RFX8: variants seen among roughly 807,000 people sequenced by gnomAD.
RFX8 encodes the protein regulatory factor X8.
Under a neutral mutation model 54.6 loss-of-function variants are expected in RFX8, and 46 were observed. That is an observed-to-expected ratio of 0.84 (90% CI 0.67 to 1.08). The LOEUF (loss-of-function observed/expected upper bound fraction) is 1.08, where lower values mean the gene tolerates loss of function less well. Ranked by LOEUF, RFX8 falls within the 50% of genes least tolerant of loss-of-function variation. RFX8 has a pLI of 0.00. For synonymous variants in RFX8, 192 were observed against 209.5 expected (o/e 0.92, Z 0.72); for missense variants, 536 against 562.3 (o/e 0.95, Z 0.47).
chr2:101,413,065 G>A lies in RFX8; in HGVS notation c.568C>T (p.Arg190Ter), dbSNP rs1403054555. 1.4e-5 allele frequency: 21 copies of A among 1,551,404 alleles called. No homozygotes were observed. Among genetic ancestry groups the A allele is most frequent in the East Asian group, 2.4e-5 (1 of 40,908 alleles). The change falls in exon 8 of 12, where the codon CGA (arginine) becomes TGA (stop). Residue 190 changes from arginine to a stop codon, truncating the protein, a stop_gained. Transcript: ENST00000428343. LOFTEE classifies it high-confidence loss of function. ...TYLSNMAKTM[R>*]MVLKSKRRVS... ...CGCCTCTTACTTTTCAATACCATTC[G>A]CATAGTCTAAAGATAACAGGGAGGC...
chr2:101,410,871 G>A lies in RFX8; in HGVS notation c.719-158C>T, dbSNP rs537127736. 2.0e-5 allele frequency among the ~76,000 whole-genome samples: 3 copies of A among 152,358 alleles called. No homozygotes were observed. In the East Asian group the frequency reaches 5.8e-4, roughly 29 times the overall value. ...TCATTGTGAACACAGAGGATGTCCTGAGGCTGGCTTTGTCACTTCTGCGGT... is the reference window on the plus strand; with the variant it reads ...TCATTGTGAACACAGAGGATGTCCTAAGGCTGGCTTTGTCACTTCTGCGGT... On this transcript the variant is annotated intron_variant, in intron 8 of 11. Coordinates refer to ENST00000428343, the MANE Select transcript of RFX8 (RefSeq NM_001145664.2).
At chr2:101,451,549 C>T (rs760834140) in intron 2 of RFX8, among the ~76,000 whole-genome samples, 4 of 151,616 alleles carry the variant, frequency 2.6e-5, no homozygotes, top group Admixed American at 1.3e-4. Context: ...ATAAGCCGGG[C>T]GTGGTGGCAG....
At chr2:101,401,579 A>T (rs1685448239) in intron 11 of RFX8, among the ~76,000 whole-genome samples, 1 of 152,066 alleles carries the variant, frequency 6.6e-6, no homozygotes, top group Admixed American at 6.5e-5. Context: ...TAAACATCAA[A>T]TATGTGCAGA....
intron 7 of RFX8, among the ~76,000 whole-genome samples, chr2:101,414,035 G>T (rs544397007): frequency 6.6e-6 from 1 of 152,134 alleles, no homozygotes; most frequent in Non-Finnish European, 1.5e-5. Flanking sequence ...CCACGAGCCG[G>T]GTGCCAGCAT....
In RFX8 at chr2:101,453,290, T is replaced by A. The variant is rs769857975; in HGVS notation, c.72+13487A>T. Among the ~76,000 whole-genome samples the A allele has an allele frequency of 1.6e-3, 105 of 65,030 alleles. 3 individuals carry two copies. The highest frequency in any genetic ancestry group is 0.016 in the Middle Eastern group (2 of 122). 42.7% of individuals were successfully genotyped at this position (65,030 alleles called of 152,430 possible). The stretch of plus-strand genomic sequence containing the variant: ...AGACTCTGTCTCAAAAAAAAATAAA[T>A]AAATAAAAAGAGAGAAAAAAAGAAA... On this transcript the variant is annotated intron_variant, in intron 2 of 11. Transcript: ENST00000428343.
At position 101,470,420 on chromosome 2, in the gene RFX8, T is replaced by C. The variant is rs371587296; in HGVS notation, c.-52-3520A>G. ...GAGACCGATTGGGGACTGGCAGAAC[T>C]GCCGGCAGGTGACATTGGTTAAGGG... On this transcript the variant is annotated intron_variant, in intron 1 of 11. Transcript: ENST00000428343. 2.7e-3 allele frequency among the ~76,000 whole-genome samples: 408 copies of C among 152,292 alleles called. 2 individuals are homozygous for C. Among genetic ancestry groups the C allele is most frequent in the African/African-American group, 9.4e-3 (389 of 41,564 alleles).
In RFX8 at chr2:101,405,941, AC is replaced by A. The variant is rs1314575964; in HGVS notation, c.928+1del. On this transcript the variant is annotated splice_donor_variant, in intron 10 of 11. Coordinates refer to ENST00000428343, the MANE Select transcript of RFX8 (RefSeq NM_001145664.2). LOFTEE classifies it high-confidence loss of function. ...AAAATACTTTCTTATTCTCTGACTTACCAAAACTATCTCTGTGGCAGAGGGT... is the reference window on the plus strand; with the variant it reads ...AAAATACTTTCTTATTCTCTGACTTACAAAACTATCTCTGTGGCAGAGGGT... 1 of 1,510,754 alleles carries A rather than the reference AC, an allele frequency of 6.6e-7. No individual in the cohort carries two copies. Among genetic ancestry groups the A allele is most frequent in the Non-Finnish European group, 8.9e-7 (1 of 1,121,634 alleles). The allele number at this position is 1,510,754 out of a possible 1,614,324, so 93.6% of individuals were successfully genotyped here.
chr2:101,417,510 T>C (rs1241832235), intron 6 of RFX8, 24 bp downstream of exon 6: 1 of 1,539,188 alleles, frequency 6.5e-7, no homozygotes, highest in Non-Finnish European at 8.8e-7. Flanking sequence ...CAGCCCAGAA[T>C]TTATTTTTTT....
Position 101,418,868 on chromosome 2 carries a change from C to G in RFX8, c.334G>C (p.Asp112His). The change falls in exon 5 of 12, where the codon GAC becomes CAC. Residue 112 changes from aspartate (D) to histidine (H), a missense_variant. Physicochemically the swap from Asp to His is moderately conservative, Grantham distance 81. Transcript: ENST00000428343. ...PDVCQLFKCYDVQLYKGIEDV... is the reference protein window; with the variant it reads ...PDVCQLFKCYHVQLYKGIEDV... ...CCTCCTACCTTGTACAGCTGGACGT[C>G]GTAGCATTTAAAGAGCTGGCACACG... 6.5e-7 allele frequency: 1 copy of G among 1,549,310 alleles called. No individual in the cohort carries two copies. The highest frequency in any genetic ancestry group is 2.4e-5 in the East Asian group (1 of 40,914).
At chr2:101,425,840 C>T (rs185411895) in intron 2 of RFX8, among the ~76,000 whole-genome samples, 6 of 152,276 alleles carry the variant, frequency 3.9e-5, no homozygotes, top group Non-Finnish European at 8.8e-5. Context: ...AGATTCGCTA[C>T]AGCAGAAGGC....
chr2:101,465,502 C>T (rs1034360683), intron 2 of RFX8, among the ~76,000 whole-genome samples: 3 of 152,074 alleles, frequency 2.0e-5, no homozygotes, highest in Non-Finnish European at 4.4e-5. Context: ...GGGCAAGACT[C>T]TGTCTCAAAA....
chr2:101,445,349 G>C (rs371893108), intron 2 of RFX8, among the ~76,000 whole-genome samples: 2 of 151,930 alleles, frequency 1.3e-5, no homozygotes, highest in South Asian at 2.1e-4. Context: ...TCTCAGGGAG[G>C]CCTCTCCATG....
intron 2 of RFX8, among the ~76,000 whole-genome samples, chr2:101,458,705 A>G (rs1689116330): frequency 6.6e-6 from 1 of 152,028 alleles, no homozygotes; most frequent in East Asian, 1.9e-4. Flanking sequence ...GCTCTTTTTG[A>G]GAAGTATCTT....
intron 2 of RFX8, among the ~76,000 whole-genome samples, chr2:101,459,878 C>T (rs555484013): frequency 6.6e-6 from 1 of 152,320 alleles, no homozygotes; most frequent in Non-Finnish European, 1.5e-5. Context: ...TGTTGCACTG[C>T]AGTGGGCTGC....
Position 101,402,623 on chromosome 2 carries a change from A to T in RFX8, c.1058T>A (p.Leu353His), listed in dbSNP as rs1354523208. ...VKEMLPDDPT[L>H]GQPDQALFHS... The stretch of plus-strand genomic sequence containing the variant: ...GAAAAGTGCCTGGTCTGGCTGGCCG[A>T]GAGTCGGGTCATCTGGTAGCATTTC... The change falls in exon 11 of 12, where the codon CTC (leucine) becomes CAC (histidine). Residue 353 changes from leucine to histidine, a missense_variant. Transcript: ENST00000428343. 6.4e-7 allele frequency: 1 copy of T among 1,552,548 alleles called. No homozygotes were observed. The highest frequency in any genetic ancestry group is 2.4e-5 in the East Asian group (1 of 41,004).
chr2:101,446,710 C>CA (rs1688403500), intron 2 of RFX8, among the ~76,000 whole-genome samples: 1 of 151,432 alleles, frequency 6.6e-6, no homozygotes, highest in African/African-American at 2.4e-5. Context: ...GGTCTCTCCC[C>CA]TCTGAGTGCC....
In RFX8 at chr2:101,410,717, C is replaced by G. The variant is rs776688880; in HGVS notation, c.719-4G>C. 1.2e-5 allele frequency: 17 copies of G among 1,440,054 alleles called. No homozygotes were observed. The South Asian group carries it at 2.1e-4, about 18-fold the overall frequency. 89.2% of individuals were successfully genotyped at this position (1,440,054 alleles called of 1,614,324 possible). On this transcript the variant is annotated splice_region_variant and splice_polypyrimidine_tract_variant and intron_variant, in intron 8 of 11. Coordinates refer to ENST00000428343, the MANE Select transcript of RFX8 (RefSeq NM_001145664.2). ...AAAGAAATTAAGTTTCTTAAACCTACAAAGACACAAAATAAACAAACAAAA... is the reference window on the plus strand; with the variant it reads ...AAAGAAATTAAGTTTCTTAAACCTAGAAAGACACAAAATAAACAAACAAAA...
intron 10 of RFX8, among the ~76,000 whole-genome samples, chr2:101,405,544 CACTCTCTCT>C (rs1021999155): frequency 6.6e-6 from 1 of 152,144 alleles, no homozygotes; most frequent in African/African-American, 2.4e-5. Flanking sequence ...AACATTACTT[CACTCTCTCT>C]ACCATCGCAT....
chr2:101,397,474 A>G lies in RFX8; in HGVS notation c.*74T>C. 1 of 1,011,944 alleles carries G rather than the reference A, an allele frequency of 9.9e-7. No homozygotes were observed. Among genetic ancestry groups the G allele is most frequent in the East Asian group, 2.7e-5 (1 of 37,414 alleles). The allele number at this position is 1,011,944 out of a possible 1,614,324, so 62.7% of individuals were successfully genotyped here. A position where few individuals can be genotyped will look rare whatever the true frequency, so the allele number is the denominator to read the frequency against. On this transcript the variant is annotated 3_prime_UTR_variant, in exon 12 of 12. Transcript: ENST00000428343. Reference sequence around the variant, plus strand: ...ACATAACATCATCTTTCGTCAATAGAAAAACTTTAGTATTTAATATTTTTA... The same window carrying G: ...ACATAACATCATCTTTCGTCAATAGGAAAACTTTAGTATTTAATATTTTTA...
Sources: gnomAD v4.1 joint callset for allele counts (sites outside exome capture counted in the v4.1 genomes callset) on GRCh38, gnomAD v4.1.1 for gene constraint, MANE v1.5 for transcripts, NCBI Gene and HGNC (gene_info 2026-07-23, HGNC 2026-07-21) for gene names.